The following RARS2 variants were observed in gnomAD, a reference collection of about 807,000 sequenced individuals.
RARS2 encodes probable arginine--tRNA ligase, mitochondrial.
RARS2 carries 67 observed loss-of-function variants against 88.5 expected under a neutral mutation model. The observed-to-expected ratio is 0.76, with a 90% CI of 0.62 to 0.93. The LOEUF is 0.93. Among genes scored for constraint, RARS2 ranks in the 40% least tolerant of loss-of-function variants. RARS2 has a pLI of 0.00. For synonymous variants in RARS2, 239 were observed against 230.3 expected (o/e 1.04, Z -0.34); for missense variants, 664 against 684.2 (o/e 0.97, Z 0.33).
intron 4 of RARS2, among the ~76,000 whole-genome samples, chr6:87,560,343 A>G (rs1050286605): frequency 1.3e-5 from 2 of 152,204 alleles, no homozygotes; most frequent in Non-Finnish European, 2.9e-5. Context: ...AGCATCCCTA[A>G]GAAAACAGGG....
chr6:87,518,540 C>A, intron 16 of RARS2, 90 bp downstream of exon 16: 1 of 1,409,638 alleles, frequency 7.1e-7, no homozygotes, highest in Admixed American at 1.9e-5. Flanking sequence ...TTGGAAAAGC[C>A]CAGAAAACAG....
intron 11 of RARS2, among the ~76,000 whole-genome samples, chr6:87,523,828 T>C (rs1027055486): frequency 6.6e-6 from 1 of 152,196 alleles, no homozygotes; most frequent in African/African-American, 2.4e-5. Context: ...ACAAAAAACT[T>C]TTCTAATATA....
rs761077745 is a variant in RARS2, at chr6:87,524,663, GA to G, written c.879-12del. 1.0e-5 allele frequency: 16 copies of G among 1,575,470 alleles called. No homozygotes were observed. Among genetic ancestry groups the G allele is most frequent in the Non-Finnish European group, 1.4e-5 (16 of 1,145,572 alleles). On this transcript the variant is annotated splice_polypyrimidine_tract_variant and intron_variant, in intron 10 of 19. Transcript: ENST00000369536. ...ACAGCCGTTCCTTTTCTAGAAATTC[GA>G]AAAGGTAACTCTGAAGCAACATAAT...
At chr6:87,545,735 G>C in intron 6 of RARS2, 36 bp from the exon 7 acceptor site, 1 of 1,601,868 alleles carries the variant, frequency 6.2e-7, no homozygotes, top group Non-Finnish European at 8.5e-7. Flanking sequence ...TCTCATTCTT[G>C]TTATCCATTT....
chr6:87,518,143 TTGA>T (rs777255862), intron 17 of RARS2, 23 bp downstream of exon 17: 4 of 1,613,980 alleles, frequency 2.5e-6, no homozygotes, highest in African/African-American at 2.7e-5. Context: ...AGAAGCACAC[TTGA>T]TGATCCCTGG....
Position 87,589,924 on chromosome 6 carries a change from G to T in RARS2, c.34C>A (p.Gln12Lys), listed in dbSNP as rs368985469. 1 of 1,614,248 alleles carries T rather than the reference G, an allele frequency of 6.2e-7. No individual in the cohort carries two copies. The highest frequency in any genetic ancestry group is 8.5e-7 in the Non-Finnish European group (1 of 1,180,042). The change falls in exon 1 of 20, where the codon CAG becomes AAG. Residue 12 changes from glutamine to lysine, a missense_variant and splice_region_variant. Physicochemically the swap from Gln to Lys is moderately conservative, Grantham distance 53 (BLOSUM62 1). Coordinates refer to ENST00000369536, the MANE Select transcript of RARS2 (RefSeq NM_020320.5). ...TCTGCGCGCTCCGGGATCCATACCT[G>T]GCAAGCAATAGCGCGGCGAAAGCCG... is the stretch of plus-strand genomic sequence containing the variant. ...ACGFRRAIACQLSRVLNLPPE... is the reference protein window; with the variant it reads ...ACGFRRAIACKLSRVLNLPPE...
In RARS2 at chr6:87,589,906, G is replaced by A; in HGVS notation, c.36+16C>T. ...TAGCTCCTCAGGGACTCCTCTGCGC[G>A]CTCCGGGATCCATACCTGGCAAGCA... On this transcript the variant is annotated intron_variant, in intron 1 of 19. Transcript: ENST00000369536. The A allele has an allele frequency of 6.2e-7, 1 of 1,614,230 alleles. No individual in the cohort carries two copies. Among genetic ancestry groups the A allele is most frequent in the Non-Finnish European group, 8.5e-7 (1 of 1,180,044 alleles).
intron 1 of RARS2, among the ~76,000 whole-genome samples, chr6:87,580,856 T>C (rs540847054): frequency 6.6e-6 from 1 of 152,086 alleles, no homozygotes; most frequent in East Asian, 1.9e-4. Context: ...TTTGAGAACC[T>C]AAGATCAGAG....
chr6:87,589,975 T>A lies in RARS2; in HGVS notation c.-18A>T, dbSNP rs754062857. The A allele has an allele frequency of 6.2e-7, 1 of 1,614,094 alleles. No homozygotes were observed. The highest frequency in any genetic ancestry group is 1.1e-5 in the South Asian group (1 of 91,090). ...CACGCCATGTCCACCTCTACGGAAGTGCGCCGCAGTCCGCCAGTTCCGGCC... is the reference window on the plus strand; with the variant it reads ...CACGCCATGTCCACCTCTACGGAAGAGCGCCGCAGTCCGCCAGTTCCGGCC... On this transcript the variant is annotated 5_prime_UTR_variant, in exon 1 of 20. Transcript: ENST00000369536.
At position 87,515,519 on chromosome 6, in the gene RARS2, C is replaced by CA. The variant is rs879642714; in HGVS notation, c.1587-500dup. 4.4e-3 allele frequency among the ~76,000 whole-genome samples: 559 copies of CA among 127,448 alleles called. 1 individual carries two copies. The highest frequency in any genetic ancestry group is 0.013 in the Middle Eastern group (3 of 228). 83.6% of individuals were successfully genotyped at this position (127,448 alleles called of 152,430 possible). ...TGGGCAAGAGTGCGAGACTCTGTCTCAAAAAAAAAAAAAGATTATGATTTC... is the reference window on the plus strand; with the variant it reads ...TGGGCAAGAGTGCGAGACTCTGTCTCAAAAAAAAAAAAAAGATTATGATTTC... On this transcript the variant is annotated intron_variant, in intron 18 of 19. Transcript: ENST00000369536.
At chr6:87,566,260 A>C (rs1767827219) in intron 2 of RARS2, among the ~76,000 whole-genome samples, 1 of 152,228 alleles carries the variant, frequency 6.6e-6, no homozygotes, top group African/African-American at 2.4e-5. Flanking sequence ...ATGTCAGGAA[A>C]AGGATTCAAA....
intron 1 of RARS2, among the ~76,000 whole-genome samples, chr6:87,587,989 G>A (rs1433767765): frequency 6.6e-6 from 1 of 152,022 alleles, no homozygotes; most frequent in Non-Finnish European, 1.5e-5. Flanking sequence ...GCCCAGGCTG[G>A]TCTTGAACGT....
Position 87,516,923 on chromosome 6 carries a change from A to G in RARS2, c.1512-43T>C, listed in dbSNP as rs9450723. 0.55 allele frequency: 891,837 copies of G among 1,609,156 alleles called. 250,697 individuals are homozygous for G. Among genetic ancestry groups the G allele is most frequent in the African/African-American group, 0.76 (56,659 of 74,846 alleles). ...CAGTGAACAGGAAAAGACTGTACACATTACACTAAGACATTAGACATTAAA... is the reference window on the plus strand; with the variant it reads ...CAGTGAACAGGAAAAGACTGTACACGTTACACTAAGACATTAGACATTAAA... On this transcript the variant is annotated intron_variant, in intron 17 of 19. Transcript: ENST00000369536.
intron 3 of RARS2, among the ~76,000 whole-genome samples, chr6:87,563,885 A>G (rs1239656106): frequency 6.6e-6 from 1 of 152,236 alleles, no homozygotes; most frequent in African/African-American, 2.4e-5. Context: ...TTAACACTTC[A>G]GTCTTCCTGT....
At chr6:87,535,099 T>C (rs962618036) in intron 8 of RARS2, among the ~76,000 whole-genome samples, 1 of 151,876 alleles carries the variant, frequency 6.6e-6, no homozygotes, top group African/African-American at 2.4e-5. Context: ...GAATCAGATT[T>C]TCTTATCATT....
intron 11 of RARS2, among the ~76,000 whole-genome samples, chr6:87,522,018 C>A (rs1318503561): frequency 3.3e-5 from 5 of 152,132 alleles, no homozygotes; most frequent in African/African-American, 1.2e-4. Context: ...AGGGGGAATA[C>A]CTTCTAACGC....
chr6:87,520,644 G>C (rs1434485589), intron 12 of RARS2, among the ~76,000 whole-genome samples: 1 of 152,174 alleles, frequency 6.6e-6, no homozygotes, highest in South Asian at 2.1e-4. Flanking sequence ...AAGGGGAAAA[G>C]ATACTAGAAT....
intron 1 of RARS2, among the ~76,000 whole-genome samples, chr6:87,575,143 A>G (rs980819219): frequency 6.6e-6 from 1 of 151,716 alleles, no homozygotes; most frequent in African/African-American, 2.4e-5. Context: ...TATGAAGCAG[A>G]ATGGAGCAGC....
intron 3 of RARS2, among the ~76,000 whole-genome samples, chr6:87,563,196 G>T (rs1027851318): frequency 1.3e-5 from 2 of 152,174 alleles, no homozygotes; most frequent in Admixed American, 6.5e-5. Context: ...CAGATAAGAT[G>T]TAATTTAGAT....
Sources: allele counts gnomAD v4.1 joint callset (sites outside exome capture counted in the v4.1 genomes callset), GRCh38; gene constraint gnomAD v4.1.1; transcripts MANE v1.5; gene names NCBI Gene and HGNC (gene_info 2026-07-23, HGNC 2026-07-21).